Variants in PMS1 observed in about 807,000 individuals in gnomAD.
PMS1 encodes PMS1 homolog 1, mismatch repair system component.
In PMS1, 79 loss-of-function variants were observed where a neutral mutation model predicts 93.1. That is an observed-to-expected ratio of 0.85 (90% CI 0.71 to 1.02). PMS1 has a LOEUF of 1.02. Among genes scored for constraint, PMS1 ranks in the 50% least tolerant of loss-of-function variants. The pLI, the probability that PMS1 is intolerant of heterozygous loss-of-function variation, is 0.00. For synonymous variants in PMS1, 335 were observed against 363.4 expected, an observed-to-expected ratio of 0.92 and a Z score of 0.89; for missense variants, 1,064 against 1,085.3, an observed-to-expected ratio of 0.98 and a Z score of 0.28.
intron 5 of PMS1, among the ~76,000 whole-genome samples, chr2:189,826,790 C>T (rs1383421402): frequency 6.6e-6 from 1 of 152,092 alleles, no homozygotes; most frequent in Non-Finnish European, 1.5e-5. Context: ...GCATCTAGTT[C>T]ATCTATATTC....
intron 4 of PMS1, among the ~76,000 whole-genome samples, chr2:189,815,489 TC>T (rs1331227873): frequency 1.3e-5 from 2 of 152,178 alleles, no homozygotes; most frequent in Admixed American, 6.5e-5. Context: ...TCTCACGAGA[TC>T]CAATGGTTTT....
At chr2:189,789,954 C>A (rs2048698299) in intron 1 of PMS1, among the ~76,000 whole-genome samples, 1 of 152,074 alleles carries the variant, frequency 6.6e-6, no homozygotes, top group Admixed American at 6.5e-5. Flanking sequence ...ATGGAATTTC[C>A]ATAGGACGTT....
chr2:189,814,030 A>G (rs957262735), intron 4 of PMS1, among the ~76,000 whole-genome samples: 1 of 152,186 alleles, frequency 6.6e-6, no homozygotes, highest in African/African-American at 2.4e-5. Context: ...TGTATTTTCC[A>G]TTTAGCAGTA....
chr2:189,785,508 A>G (rs910155722), intron 1 of PMS1: 2 of 152,210 alleles, frequency 1.3e-5, no homozygotes, highest in Non-Finnish European at 2.9e-5. Context: ...TGGTACACAT[A>G]TGGTATAGAG....
rs1209008260 is a variant in PMS1 at position 189,829,253 on chromosome 2, G to A, written c.582+11073G>A. On this transcript the variant is annotated intron_variant, in intron 5 of 12. Coordinates refer to ENST00000441310, the MANE Select transcript of PMS1 (RefSeq NM_000534.5). The stretch of plus-strand genomic sequence containing the variant: ...CGATGTAAATGAGGAGATAAGATGT[G>A]AAAGTGTGTAAACATAACATAAATA... Among the ~76,000 whole-genome samples, 7 of 152,166 alleles carry A rather than the reference G, an allele frequency of 4.6e-5. No individual in the cohort carries two copies. In the East Asian group the frequency reaches 1.3e-3, roughly 29 times the overall value.
intron 12 of PMS1, among the ~76,000 whole-genome samples, chr2:189,875,109 GA>G (rs753811535): frequency 3.3e-5 from 5 of 151,564 alleles, no homozygotes; most frequent in Non-Finnish European, 7.4e-5. Context: ...AAAGGAAAGT[GA>G]AAGGAGAACC....
At chr2:189,846,161 G>T (rs1001964793) in intron 6 of PMS1, among the ~76,000 whole-genome samples, 5 of 151,756 alleles carry the variant, frequency 3.3e-5, no homozygotes, top group African/African-American at 1.2e-4. Flanking sequence ...GGCACTTGGG[G>T]CCAGAAGCTC....
chr2:189,802,302 A>C (rs1368975101), intron 3 of PMS1, among the ~76,000 whole-genome samples: 1 of 152,192 alleles, frequency 6.6e-6, no homozygotes, highest in East Asian at 1.9e-4. Flanking sequence ...AAGATAACAT[A>C]TTTTGTATGT....
chr2:189,839,515 G>T (rs1480360444), intron 5 of PMS1, among the ~76,000 whole-genome samples: 1 of 152,086 alleles, frequency 6.6e-6, no homozygotes. Flanking sequence ...CTCTAGCAAG[G>T]CATTCTCTCT....
At chr2:189,857,940 G>A (rs780714688) in intron 9 of PMS1, among the ~76,000 whole-genome samples, 2 of 152,104 alleles carry the variant, frequency 1.3e-5, no homozygotes, top group Non-Finnish European at 2.9e-5. Flanking sequence ...CCAGAAGCTA[G>A]AAGGAACATG....
intron 5 of PMS1, among the ~76,000 whole-genome samples, chr2:189,822,100 C>A (rs1192657125): frequency 6.6e-6 from 1 of 152,164 alleles, no homozygotes; most frequent in African/African-American, 2.4e-5. Flanking sequence ...CGTGAGAGGG[C>A]AGAGGCAGGG....
chr2:189,829,352 C>G (rs2052724022), intron 5 of PMS1, among the ~76,000 whole-genome samples: 1 of 152,290 alleles, frequency 6.6e-6, no homozygotes, highest in Non-Finnish European at 1.5e-5. Flanking sequence ...CTTCTCTAAT[C>G]ACTACCTGAT....
At chr2:189,850,316 A>G (rs186157767) in intron 6 of PMS1, among the ~76,000 whole-genome samples, 2 of 152,290 alleles carry the variant, frequency 1.3e-5, no homozygotes, top group East Asian at 3.9e-4. Flanking sequence ...TTACATCAAT[A>G]TAATCAGGGT....
chr2:189,845,889 A>C (rs540313050), intron 6 of PMS1, among the ~76,000 whole-genome samples: 8 of 151,958 alleles, frequency 5.3e-5, no homozygotes, highest in African/African-American at 1.9e-4. Context: ...ACACCCGGCT[A>C]ATTTTTGTAT....
intron 9 of PMS1, among the ~76,000 whole-genome samples, chr2:189,863,145 T>C (rs2056196007): frequency 6.6e-6 from 1 of 152,176 alleles, no homozygotes; most frequent in South Asian, 2.1e-4. Context: ...TTCTAATTTC[T>C]TCCTGCTTTT....
At chr2:189,807,291 A>C (rs2106284474) in intron 4 of PMS1, among the ~76,000 whole-genome samples, 1 of 152,234 alleles carries the variant, frequency 6.6e-6, no homozygotes, top group East Asian at 1.9e-4. Context: ...CAAGTCTAAC[A>C]GCTATTTTAT....
chr2:189,868,086 C>A (rs886811770), intron 11 of PMS1, among the ~76,000 whole-genome samples, 157 bp downstream of exon 11: 1 of 152,226 alleles, frequency 6.6e-6, no homozygotes, highest in Non-Finnish European at 1.5e-5. Context: ...AAAACATCAC[C>A]TCTGCCTGAA....
intron 6 of PMS1, among the ~76,000 whole-genome samples, chr2:189,848,155 G>A (rs910689716): frequency 1.3e-5 from 2 of 152,130 alleles, no homozygotes; most frequent in Admixed American, 6.6e-5. Context: ...TGGATTCCTC[G>A]TAGCTTCGTG....
chr2:189,875,918 T>G (rs1384906807), intron 12 of PMS1, among the ~76,000 whole-genome samples: 1 of 128,582 alleles, frequency 7.8e-6, no homozygotes, highest in African/African-American at 3.2e-5. Context: ...GGACGCACAC[T>G]GCACTCCAGC....
Sources: gnomAD v4.1 joint callset for allele counts (sites outside exome capture counted in the v4.1 genomes callset) on GRCh38, gnomAD v4.1.1 for gene constraint, MANE v1.5 for transcripts, NCBI Gene and HGNC (gene_info 2026-07-23, HGNC 2026-07-21) for gene names.